The following SNRPN variants were observed in gnomAD, a reference collection of about 807,000 sequenced individuals.
SNRPN encodes small nuclear ribonucleoprotein-associated protein N.
SNRPN carries 7 observed loss-of-function variants against 25.2 expected under a neutral mutation model. The observed-to-expected ratio is 0.28, with a 90% CI of 0.16 to 0.52. The LOEUF (loss-of-function observed/expected upper bound fraction) is 0.52, where lower values mean the gene tolerates loss of function less well. Among genes scored for constraint, SNRPN ranks in the 20% least tolerant of loss-of-function variants. The pLI is 0.96. For missense variants in SNRPN, 196 were observed against 322.5 expected (o/e 0.61, Z 3.00); for synonymous variants, 124 against 110.6 (o/e 1.12, Z -0.76).
chr15:24,958,491 T>TTG lies in SNRPN; in HGVS notation c.-391+3430_-391+3431insGT, dbSNP rs1192165302. On this transcript the variant is annotated intron_variant, in intron 1 of 9. Coordinates refer to ENST00000390687, the MANE Select transcript of SNRPN (RefSeq NM_003097.6). ...TGGATGCTAGCTGGCTCAAAGTTTTTTTTTTTTTTTTTTTTTTTTTTTTTT... is the reference window on the plus strand; with the variant it reads ...TGGATGCTAGCTGGCTCAAAGTTTTTTGTTTTTTTTTTTTTTTTTTTTTTTTT... 1.0e-3 allele frequency among the ~76,000 whole-genome samples: 36 copies of TTG among 35,800 alleles called. No individual in the cohort carries two copies. The East Asian group carries it at 0.03, about 30-fold the overall frequency. 23.5% of individuals were successfully genotyped at this position (35,800 alleles called of 152,430 possible).
chr15:24,852,960 A>T (rs2053016348), upstream of SNRPN, among the ~76,000 whole-genome samples: 1 of 152,162 alleles, frequency 6.6e-6, no homozygotes, highest in Non-Finnish European at 1.5e-5. Context: ...AAGAAAAAAT[A>T]ACAGAGAAAA....
intron 1 of SNRPN, among the ~76,000 whole-genome samples, chr15:24,865,842 C>G (rs74005378): frequency 2.6e-5 from 4 of 152,018 alleles, no homozygotes; most frequent in Admixed American, 6.6e-5. Flanking sequence ...CAGATGATAA[C>G]GAGGCATGTC....
In SNRPN at chr15:24,861,714, A is replaced by C. The variant is rs111877124; in HGVS notation, c.-579+4998A>C. 5.2e-3 allele frequency among the ~76,000 whole-genome samples: 795 copies of C among 152,224 alleles called. 5 individuals are homozygous for C. The highest frequency in any genetic ancestry group is 0.025 in the South Asian group (119 of 4,826). On this transcript the variant is annotated intron_variant, in intron 1 of 11. Coordinates refer to the SNRPN transcript ENST00000400097. ...CTCCTATATGTTGTCTTTCCTTGAC[A>C]GAATAAAATATCATTTTGAGAGCCA...
At position 24,974,548 on chromosome 15, in the gene SNRPN, T is replaced by C. The variant is rs1009436180; in HGVS notation, c.3+92T>C. On this transcript the variant is annotated intron_variant, in intron 4 of 9. Coordinates refer to ENST00000390687, the MANE Select transcript of SNRPN (RefSeq NM_003097.6). ...ATGTGCAGTGATCTTGGGTTCTGAATGTTAGAAATAAGGATACATCCATGG... is the reference window on the plus strand; with the variant it reads ...ATGTGCAGTGATCTTGGGTTCTGAACGTTAGAAATAAGGATACATCCATGG... The C allele has an allele frequency of 2.5e-6, 3 of 1,200,068 alleles. No homozygotes were observed. In the Admixed American group the frequency reaches 5.0e-5, roughly 20 times the overall value. 74.3% of individuals were successfully genotyped at this position (1,200,068 alleles called of 1,614,324 possible).
chr15:24,827,494 T>G (rs1595315184), intron 1 of SNRPN, among the ~76,000 whole-genome samples: 1 of 117,194 alleles, frequency 8.5e-6, no homozygotes. Flanking sequence ...CTGGCCTGGG[T>G]GAAAGAGCGA....
chr15:24,927,104 C>T (rs2152751706), intron 3 of SNRPN, among the ~76,000 whole-genome samples: 1 of 152,122 alleles, frequency 6.6e-6, no homozygotes, highest in South Asian at 2.1e-4. Context: ...CTCCTTCCCT[C>T]CCTCTTTCAT....
rs1462171134 is a variant in SNRPN at position 24,896,645 on chromosome 15, C to T, written c.-505+10056C>T. Among the ~76,000 whole-genome samples the T allele has an allele frequency of 4.6e-5, 7 of 151,816 alleles. No individual in the cohort carries two copies. The South Asian group carries it at 1.0e-3, about 23-fold the overall frequency. ...AGGAGAATGGTGTAAACCTGGGAGG[C>T]GGAGCTTGCAGTGAGCCGAGATCGT... On this transcript the variant is annotated intron_variant, in intron 2 of 11. Transcript: ENST00000400097.
chr15:24,926,013 C>G (rs901734955), intron 3 of SNRPN, among the ~76,000 whole-genome samples: 7 of 152,120 alleles, frequency 4.6e-5, no homozygotes, highest in African/African-American at 1.7e-4. Flanking sequence ...GGATTACAGG[C>G]CTGAGCCACC....
rs535119171 is a variant in SNRPN at position 24,890,936 on chromosome 15, AGTCTC to A, written c.-505+4350_-505+4354del. ...TTATTATTTTTTATTTTTTTGATAG[AGTCTC>A]GTTCTATCGCCCAGGCTGCAGTGCA... On this transcript the variant is annotated intron_variant, in intron 2 of 11. Transcript: ENST00000400097. Among the ~76,000 whole-genome samples the A allele has an allele frequency of 4.1e-4, 63 of 152,166 alleles. 1 individual carries two copies. Among genetic ancestry groups the A allele is most frequent in the African/African-American group, 1.3e-3 (54 of 41,530 alleles).
At chr15:24,890,237 G>C (rs527491917) in intron 2 of SNRPN, among the ~76,000 whole-genome samples, 2 of 152,092 alleles carry the variant, frequency 1.3e-5, no homozygotes, top group East Asian at 3.9e-4. Flanking sequence ...GTCATAATGG[G>C]ACCCTCATTT....
chr15:24,932,166 GGCCTTGAGAT>G, intron 3 of SNRPN, among the ~76,000 whole-genome samples: 2 of 152,236 alleles, frequency 1.3e-5, no homozygotes, highest in East Asian at 3.9e-4. Context: ...CAGGGGATAT[GGCCTTGAGAT>G]GCTAGAATCT....
intron 2 of SNRPN, among the ~76,000 whole-genome samples, chr15:24,895,400 A>ACACAC (rs2058018197): frequency 6.8e-6 from 1 of 147,234 alleles, no homozygotes; most frequent in Non-Finnish European, 1.5e-5. Flanking sequence ...AATACACCCA[A>ACACAC]ACACACACAC....
intron 1 of SNRPN, among the ~76,000 whole-genome samples, chr15:24,829,620 T>C (rs12905653): frequency 0.81 from 122,539 of 151,546 alleles, 49,889 homozygotes; most frequent in East Asian, 0.97. Flanking sequence ...TCTCAGTTCT[T>C]TTATGAAATG....
At chr15:24,973,688 C>T (rs2076730421) in intron 3 of SNRPN, among the ~76,000 whole-genome samples, 2 of 152,218 alleles carry the variant, frequency 1.3e-5, no homozygotes, top group Admixed American at 1.3e-4. Flanking sequence ...GCGTGAGCCA[C>T]CTCACCCGGC....
At chr15:24,864,511 T>C (rs2054371953) in intron 1 of SNRPN, among the ~76,000 whole-genome samples, 1 of 151,534 alleles carries the variant, frequency 6.6e-6, no homozygotes, top group Non-Finnish European at 1.5e-5. Context: ...GCCCAGCTAA[T>C]TTTTGTATTT....
intron 2 of SNRPN, among the ~76,000 whole-genome samples, chr15:24,831,939 G>A (rs988382051): frequency 1.5e-4 from 22 of 151,446 alleles, no homozygotes; most frequent in Non-Finnish European, 2.9e-5. Context: ...ATGTGGGAGT[G>A]CAGATATCTA....
At chr15:24,855,275 AG>A (rs1375809508), upstream of SNRPN, among the ~76,000 whole-genome samples, 2 of 152,274 alleles carry the variant, frequency 1.3e-5, no homozygotes, top group Non-Finnish European at 1.5e-5. Flanking sequence ...ATTAATCTAC[AG>A]GTTTTATGGA....
intron 2 of SNRPN, among the ~76,000 whole-genome samples, chr15:24,840,214 C>T (rs1443964125): frequency 6.6e-6 from 1 of 152,010 alleles, no homozygotes; most frequent in Non-Finnish European, 1.5e-5. Flanking sequence ...AAAAATTAGC[C>T]GGACATGGTG....
upstream of SNRPN, among the ~76,000 whole-genome samples, chr15:24,952,300 T>G (rs1036135608): frequency 5.3e-5 from 8 of 152,178 alleles, no homozygotes; most frequent in Admixed American, 4.6e-4. Context: ...CTGTACAGAA[T>G]AGTTTTATTG....
Sources: allele counts gnomAD v4.1 joint callset (sites outside exome capture counted in the v4.1 genomes callset), GRCh38; gene constraint gnomAD v4.1.1; transcripts MANE v1.5; gene names NCBI Gene and HGNC (gene_info 2026-07-23, HGNC 2026-07-21).